The following MS4A6E variants were observed in gnomAD, a reference collection of about 807,000 sequenced individuals.
MS4A6E encodes membrane spanning 4-domains A6E, also known as membrane-spanning 4-domains subfamily A member 6E.
MS4A6E carries 8 observed loss-of-function variants against 13.2 expected under a neutral mutation model. The observed-to-expected ratio is 0.60, with a 90% CI of 0.35 to 1.09. MS4A6E has a LOEUF of 1.09. Ranked by LOEUF, MS4A6E falls within the 50% of genes least tolerant of loss-of-function variation. MS4A6E has a pLI of 0.02. For missense variants in MS4A6E, 177 were observed against 171.1 expected (o/e 1.03, Z -0.19); for synonymous variants, 72 against 67.6 (o/e 1.06, Z -0.32).
At chr11:60,342,198 AGAGGGG>A (rs540733113), downstream of MS4A6E, among the ~76,000 whole-genome samples, 24,853 of 112,396 alleles carry the variant, frequency 0.22, 2,240 homozygotes, top group African/African-American at 0.24. Context: ...AGAGAGAGAG[AGAGGGG>A]GGGGGAGAGA....
chr11:60,339,514 A>G (rs1007717401), intron 3 of MS4A6E, among the ~76,000 whole-genome samples: 9 of 152,360 alleles, frequency 5.9e-5, no homozygotes, highest in African/African-American at 1.4e-4. Flanking sequence ...AGATGAGACT[A>G]TAATGGAGCT....
At chr11:60,336,401 A>G (rs1407108260) in intron 2 of MS4A6E, among the ~76,000 whole-genome samples, 4 of 152,208 alleles carry the variant, frequency 2.6e-5, no homozygotes, top group South Asian at 2.1e-4. Context: ...TCAAACTTTT[A>G]GTAGGAAATA....
At position 60,339,979 on chromosome 11, in the gene MS4A6E, C is replaced by G; in HGVS notation, c.*9+15C>G. 1 of 1,611,762 alleles carries G rather than the reference C, an allele frequency of 6.2e-7. No homozygotes were observed. Among genetic ancestry groups the G allele is most frequent in the Non-Finnish European group, 8.5e-7 (1 of 1,178,320 alleles). On this transcript the variant is annotated intron_variant, in intron 4 of 4. Transcript: ENST00000684409. ...GACTTCCCTGGGTGAGTGTGCTGGCCAGCCTCGCTTAATCTTGCCTAGTGT... is the reference window on the plus strand; with the variant it reads ...GACTTCCCTGGGTGAGTGTGCTGGCGAGCCTCGCTTAATCTTGCCTAGTGT...
intron 1 of MS4A6E, among the ~76,000 whole-genome samples, chr11:60,333,787 T>C (rs1381414435): frequency 6.6e-6 from 1 of 152,186 alleles, no homozygotes; most frequent in Non-Finnish European, 1.5e-5. Flanking sequence ...TTATGGAGAA[T>C]GTGCACAGAG....
chr11:60,331,943 C>G (rs1007142785), intron 1 of MS4A6E, among the ~76,000 whole-genome samples: 11 of 152,176 alleles, frequency 7.2e-5, no homozygotes, highest in African/African-American at 2.7e-4. Context: ...CTTCATCACA[C>G]TTGAGGATAT....
chr11:60,337,698 G>A (rs542397978), intron 2 of MS4A6E, 43 bp from the exon 3 acceptor site: 51 of 1,608,440 alleles, frequency 3.2e-5, no homozygotes, highest in African/African-American at 1.2e-4. Flanking sequence ...AGAGAGATTC[G>A]TGGCCCTTTG....
At chr11:60,342,914 T>C (rs1194595788), downstream of MS4A6E, among the ~76,000 whole-genome samples, 1 of 152,194 alleles carries the variant, frequency 6.6e-6, no homozygotes, top group Non-Finnish European at 1.5e-5. Context: ...ACTTAAATAA[T>C]TTCTTTTTAG....
rs2085199649 is a variant in MS4A6E, at chr11:60,337,924, C to T, written c.331C>T (p.His111Tyr). 6.2e-7 allele frequency: 1 copy of T among 1,614,176 alleles called. No individual in the cohort carries two copies. Among genetic ancestry groups the T allele is most frequent in the Non-Finnish European group, 8.5e-7 (1 of 1,180,032 alleles). Residue 111 changes from histidine to tyrosine, a missense_variant, in exon 3 of 5, where the codon CAT becomes TAT. His to Tyr is a moderately conservative substitution (Grantham distance 83). Coordinates refer to ENST00000684409, the MANE Select transcript of MS4A6E (RefSeq NM_139249.4). Reference protein sequence around the residue: ...DYHSPYTMDCHRAKASLAGTL... With the variant: ...DYHSPYTMDCYRAKASLAGTL... The stretch of plus-strand genomic sequence containing the variant: ...TCATTCACCTTACACCATGGACTGC[C>T]ATAGAGCCAAAGCCAGTCTGGCTGT...
At chr11:60,345,943 T>C (rs1227969224), downstream of MS4A6E, among the ~76,000 whole-genome samples, 1 of 152,162 alleles carries the variant, frequency 6.6e-6, no homozygotes, top group African/African-American at 2.4e-5. Flanking sequence ...AGGCCTGGAT[T>C]AGACAGGAGA....
chr11:60,336,269 G>A (rs941266105), intron 2 of MS4A6E, among the ~76,000 whole-genome samples: 3 of 152,174 alleles, frequency 2.0e-5, no homozygotes, highest in South Asian at 2.1e-4. Context: ...TGTGGCTATC[G>A]ATGATGTGAA....
intron 1 of MS4A6E, among the ~76,000 whole-genome samples, chr11:60,332,472 T>C (rs936177569): frequency 2.6e-5 from 4 of 152,180 alleles, no homozygotes; most frequent in Non-Finnish European, 5.9e-5. Flanking sequence ...TCTCAGCTAG[T>C]CCTGTTTCCC....
Position 60,340,099 on chromosome 11 carries a change from T to C in MS4A6E, c.*9+135T>C, listed in dbSNP as rs1342715098. 3.7e-6 allele frequency: 5 copies of C among 1,333,676 alleles called. No individual in the cohort carries two copies. In the East Asian group the frequency reaches 1.3e-4, roughly 34 times the overall value. 82.6% of individuals were successfully genotyped at this position (1,333,676 alleles called of 1,614,324 possible). A position where few individuals can be genotyped will look rare whatever the true frequency, so the allele number is the denominator to read the frequency against. ...TACACATGGGAGGTCATTTAAATGG[T>C]GATGGAAGACCGAGAAGAAAAGCAG... On this transcript the variant is annotated intron_variant, in intron 4 of 4. Coordinates refer to ENST00000684409, the MANE Select transcript of MS4A6E (RefSeq NM_139249.4).
Position 60,335,038 on chromosome 11 carries a change from T to C in MS4A6E, c.143T>C (p.Ile48Thr), listed in dbSNP as rs776793362. Residue 48 changes from isoleucine to threonine, a missense_variant, in exon 2 of 5, where the codon ATT becomes ACT. Transcript: ENST00000684409. ...CGTCTACAGGCAAAAGTCAAAGTTATTGGGGTAAATCTAATTCAGAACATG... is the reference window on the plus strand; with the variant it reads ...CGTCTACAGGCAAAAGTCAAAGTTACTGGGGTAAATCTAATTCAGAACATG... ...KKRLQAKVKV[I>T]GVHSSLAGSI... The C allele has an allele frequency of 9.9e-6, 16 of 1,613,974 alleles. No individual in the cohort carries two copies. The highest frequency in any genetic ancestry group is 3.3e-4 in the Middle Eastern group (2 of 6,062).
intron 1 of MS4A6E, among the ~76,000 whole-genome samples, chr11:60,330,233 A>G (rs1285953415): frequency 6.9e-6 from 1 of 145,902 alleles, no homozygotes; most frequent in Non-Finnish European, 1.5e-5. Context: ...GATTGCAAAA[A>G]TTTTCTCCCA....
chr11:60,328,526 T>TAC (rs35996897), intron 1 of MS4A6E, among the ~76,000 whole-genome samples: 4,510 of 145,796 alleles, frequency 0.031, 165 homozygotes, highest in Admixed American at 0.13. Flanking sequence ...AACTGTGAGA[T>TAC]ACACACACAC....
At chr11:60,348,281 C>T (rs1316312120) in intron 4 of MS4A6E, among the ~76,000 whole-genome samples, 1 of 152,102 alleles carries the variant, frequency 6.6e-6, no homozygotes, top group Non-Finnish European at 1.5e-5. Flanking sequence ...TGACAATGTG[C>T]CCAGTGAGAG....
At chr11:60,334,840 G>T in intron 1 of MS4A6E, 42 bp from the exon 2 acceptor site, 1 of 1,601,066 alleles carries the variant, frequency 6.2e-7, no homozygotes, top group Non-Finnish European at 8.5e-7. Flanking sequence ...GAACTTGGGA[G>T]CTCTGTACTT....
chr11:60,330,095 G>A (rs544875069), intron 1 of MS4A6E, among the ~76,000 whole-genome samples: 29 of 150,442 alleles, frequency 1.9e-4, no homozygotes, highest in Non-Finnish European at 3.1e-4. Context: ...AAAGTGCTGG[G>A]ATTACAGGCG....
chr11:60,331,917 G>T (rs2085158577), intron 1 of MS4A6E, among the ~76,000 whole-genome samples: 1 of 152,168 alleles, frequency 6.6e-6, no homozygotes, highest in African/African-American at 2.4e-5. Context: ...AGACATCCTT[G>T]AACCAGAAAG....
Sources: allele counts gnomAD v4.1 joint callset (sites outside exome capture counted in the v4.1 genomes callset), GRCh38; gene constraint gnomAD v4.1.1; transcripts MANE v1.5; gene names NCBI Gene and HGNC (gene_info 2026-07-23, HGNC 2026-07-21).